The following IFNE variants were observed in gnomAD, a reference collection of about 807,000 sequenced individuals.
IFNE encodes interferon epsilon.
For missense variants in IFNE, 276 were observed against 232.4 expected (o/e 1.19, Z -1.22); for synonymous variants, 94 against 87.4 (o/e 1.08, Z -0.42).
Position 21,481,070 on chromosome 9 carries a change from A to G in IFNE, c.625T>C (p.Ter209GlnextTer14). 1.3e-6 allele frequency: 2 copies of G among 1,599,354 alleles called. No individual in the cohort carries two copies. The highest frequency in any genetic ancestry group is 1.1e-5 in the South Asian group (1 of 88,186). ...ELTTEFRSPR[*>Q] ...GAGAAGTCCTCTAGTCCCTCCACCT[A>G]CCTCGGGCTTCTAAACTCTGTAGTA... The change falls in exon 1 of 1, where the codon TAG becomes CAG. Residue 209 changes from the stop codon to glutamine, a stop_lost. Transcript: ENST00000448696.
Position 21,481,432 on chromosome 9 carries a change from A to G in IFNE, c.263T>C (p.Ile88Thr). The G allele has an allele frequency of 6.2e-7, 1 of 1,614,156 alleles. No homozygotes were observed. The highest frequency in any genetic ancestry group is 8.5e-7 in the Non-Finnish European group (1 of 1,180,020). Residue 88 changes from isoleucine to threonine, a missense_variant, in exon 1 of 1, where the codon ATC becomes ACC. By Grantham distance (89) the Ile-to-Thr change is moderately conservative. Transcript: ENST00000448696. ...LAILHEMLQQ[I>T]FSLFRANISL... ...AATATTTGCCCTGAAGAGGCTGAAG[A>G]TCTGCTGAAGCATCTCATGGAGAAT...
In IFNE at chr9:21,481,775, C is replaced by G. The variant is rs1563902603; in HGVS notation, c.-81G>C. ...TAGTGAATGTTTGCCTTTCATGCAT[C>G]TCAGATTATTTTGGAGAGTGTTCTC... On this transcript the variant is annotated 5_prime_UTR_variant, in exon 1 of 1. Coordinates refer to ENST00000448696, the MANE Select transcript of IFNE (RefSeq NM_176891.5). 7.9e-7 allele frequency: 1 copy of G among 1,265,594 alleles called. No individual in the cohort carries two copies. The highest frequency in any genetic ancestry group is 1.1e-6 in the Non-Finnish European group (1 of 907,078). The allele number at this position is 1,265,594 out of a possible 1,614,324, so 78.4% of individuals were successfully genotyped here.
chr9:21,481,749 C>A lies in IFNE; in HGVS notation c.-55G>T. On this transcript the variant is annotated 5_prime_UTR_variant, in exon 1 of 1. It introduces an in-frame stop codon into an upstream open reading frame of the 5' UTR. Transcript: ENST00000448696. The stretch of plus-strand genomic sequence containing the variant: ...GCATAGACTTAGGGAAATTCCAGCT[C>A]TAGTGAATGTTTGCCTTTCATGCAT... 6 of 1,483,370 alleles carry A rather than the reference C, an allele frequency of 4.0e-6. No homozygotes were observed. Among genetic ancestry groups the A allele is most frequent in the Non-Finnish European group, 5.5e-6 (6 of 1,098,086 alleles). 91.9% of individuals were successfully genotyped at this position (1,483,370 alleles called of 1,614,324 possible).
rs1309655857 is a variant in IFNE at position 21,481,276 on chromosome 9, A to G, written c.419T>C (p.Leu140Pro). The change falls in exon 1 of 1, where the codon CTT becomes CCT. Residue 140 changes from leucine to proline, a missense_variant. Transcript: ENST00000448696. ...GAAGTACATTTTAACTTGTAATCTA[A>G]GGTTATCACTACCCAAAGTACCACT... Reference protein sequence around the residue: ...KLSGTLGSDNLRLQVKMYFRR... With the variant: ...KLSGTLGSDNPRLQVKMYFRR... 1.2e-6 allele frequency: 2 copies of G among 1,613,964 alleles called. No homozygotes were observed. Among genetic ancestry groups the G allele is most frequent in the Admixed American group, 1.7e-5 (1 of 60,006 alleles).
In IFNE at chr9:21,481,060, C is replaced by A; in HGVS notation, c.*8G>T. 1.9e-6 allele frequency: 3 copies of A among 1,589,566 alleles called. No homozygotes were observed. In the South Asian group the frequency reaches 3.5e-5, roughly 19 times the overall value. On this transcript the variant is annotated 3_prime_UTR_variant, in exon 1 of 1. Transcript: ENST00000448696. ...ATCATGTCTGGAGAAGTCCTCTAGTCCCTCCACCTACCTCGGGCTTCTAAA... is the reference window on the plus strand; with the variant it reads ...ATCATGTCTGGAGAAGTCCTCTAGTACCTCCACCTACCTCGGGCTTCTAAA...
Position 21,481,197 on chromosome 9 carries a change from G to C in IFNE, c.498C>G (p.Ala166=). Residue 166 remains alanine (A), a synonymous_variant, in exon 1 of 1, where the codon GCC becomes GCG. Transcript: ENST00000448696. ...ATCGGCTGATTTCTACTTGGACAAT[G>C]GCCCAGGCACAGGTGCTGTAGTCCT... is the stretch of plus-strand genomic sequence containing the variant. The part of the protein sequence containing the change: ...ENQDYSTCAW[A]IVQVEISRCL... 1 of 1,614,158 alleles carries C rather than the reference G, an allele frequency of 6.2e-7. No homozygotes were observed. The highest frequency in any genetic ancestry group is 8.5e-7 in the Non-Finnish European group (1 of 1,180,002).
rs1819056174 is a variant in IFNE, at chr9:21,481,779, G to C, written c.-85C>G. 1 of 1,207,160 alleles carries C rather than the reference G, an allele frequency of 8.3e-7. No homozygotes were observed. Among genetic ancestry groups the C allele is most frequent in the Admixed American group, 2.3e-5 (1 of 44,014 alleles). The allele number at this position is 1,207,160 out of a possible 1,614,324, so 74.8% of individuals were successfully genotyped here. The stretch of plus-strand genomic sequence containing the variant: ...GAATGTTTGCCTTTCATGCATCTCA[G>C]ATTATTTTGGAGAGTGTTCTCTTTT... On this transcript the variant is annotated 5_prime_UTR_variant, in exon 1 of 1. In the 5' UTR this introduces an upstream ATG that the reference lacks. Coordinates refer to ENST00000448696, the MANE Select transcript of IFNE (RefSeq NM_176891.5).
rs1284202371 is a variant in IFNE at position 21,480,971 on chromosome 9, A to G, written c.*97T>C. 1 of 952,738 alleles carries G rather than the reference A, an allele frequency of 1.0e-6. No homozygotes were observed. The highest frequency in any genetic ancestry group is 2.4e-5 in the East Asian group (1 of 40,922). The allele number at this position is 952,738 out of a possible 1,614,324, so 59.0% of individuals were successfully genotyped here. Reference sequence around the variant, plus strand: ...GCACAATCTTAAAACACAGATAAATATATATATACACAAAATCAAAGCAAT... The same window carrying G: ...GCACAATCTTAAAACACAGATAAATGTATATATACACAAAATCAAAGCAAT... On this transcript the variant is annotated 3_prime_UTR_variant, in exon 1 of 1. Transcript: ENST00000448696.
rs545220944 is a variant in IFNE, at chr9:21,481,771, G to A, written c.-77C>T. On this transcript the variant is annotated 5_prime_UTR_variant, in exon 1 of 1. Coordinates refer to ENST00000448696, the MANE Select transcript of IFNE (RefSeq NM_176891.5). The stretch of plus-strand genomic sequence containing the variant: ...GCTCTAGTGAATGTTTGCCTTTCAT[G>A]CATCTCAGATTATTTTGGAGAGTGT... The A allele has an allele frequency of 3.1e-6, 4 of 1,284,536 alleles. No individual in the cohort carries two copies. The highest frequency in any genetic ancestry group is 2.9e-5 in the South Asian group (2 of 69,576). 79.6% of individuals were successfully genotyped at this position (1,284,536 alleles called of 1,614,324 possible). A position where few individuals can be genotyped will look rare whatever the true frequency, so the allele number is the denominator to read the frequency against.
chr9:21,481,918 T>G lies in IFNE; in HGVS notation c.-224A>C. On this transcript the variant is annotated 5_prime_UTR_variant, in exon 1 of 1. Coordinates refer to ENST00000448696, the MANE Select transcript of IFNE (RefSeq NM_176891.5). ...CATTTCCCTATTGTGTTGGCTATTTTGAGGAAGTACCAAAATAACTTATTC... is the reference window on the plus strand; with the variant it reads ...CATTTCCCTATTGTGTTGGCTATTTGGAGGAAGTACCAAAATAACTTATTC... 1 of 507,620 alleles carries G rather than the reference T, an allele frequency of 2.0e-6. No individual in the cohort carries two copies. The highest frequency in any genetic ancestry group is 3.6e-6 in the Non-Finnish European group (1 of 280,764). The allele number at this position is 507,620 out of a possible 1,614,324, so 31.4% of individuals were successfully genotyped here. A position where few individuals can be genotyped will look rare whatever the true frequency, so the allele number is the denominator to read the frequency against.
At position 21,481,002 on chromosome 9, in the gene IFNE, T is replaced by G; in HGVS notation, c.*66A>C. On this transcript the variant is annotated 3_prime_UTR_variant, in exon 1 of 1. Coordinates refer to ENST00000448696, the MANE Select transcript of IFNE (RefSeq NM_176891.5). ...ATACACAAAATCAAAGCAATGTGAT[T>G]GTACTATAAATTGTATTACCACTCT... is the stretch of plus-strand genomic sequence containing the variant. The G allele has an allele frequency of 8.1e-7, 1 of 1,229,570 alleles. No homozygotes were observed. The allele number at this position is 1,229,570 out of a possible 1,614,324, so 76.2% of individuals were successfully genotyped here.
rs764529307 is a variant in IFNE at position 21,481,214 on chromosome 9, T to A, written c.481A>T (p.Ser161Cys). Residue 161 changes from serine to cysteine, a missense_variant, in exon 1 of 1, where the codon AGC (serine) becomes TGC (cysteine). Ser to Cys is a moderately radical substitution (Grantham distance 112, BLOSUM62 -1). Transcript: ENST00000448696. ...IHDYLENQDY[S>C]TCAWAIVQVE... ...TGGACAATGGCCCAGGCACAGGTGC[T>A]GTAGTCCTGGTTTTCCAGGTAATCA... 4 of 1,614,076 alleles carry A rather than the reference T, an allele frequency of 2.5e-6. No homozygotes were observed. In the African/African-American group the frequency reaches 5.3e-5, roughly 22 times the overall value.
chr9:21,482,267 C>A lies in IFNE; in HGVS notation c.-573G>T, dbSNP rs1244352925. Reference sequence around the variant, plus strand: ...TAATTAATTTTAAAACATATATCAGCAATCTTAAATTATTTTATATCTTAT... The same window carrying A: ...TAATTAATTTTAAAACATATATCAGAAATCTTAAATTATTTTATATCTTAT... On this transcript the variant is annotated 5_prime_UTR_variant, in exon 1 of 1. Transcript: ENST00000448696. The A allele has an allele frequency of 6.0e-6, 1 of 166,668 alleles. No homozygotes were observed. Among genetic ancestry groups the A allele is most frequent in the Non-Finnish European group, 1.5e-5 (1 of 68,126 alleles). 10.3% of individuals were successfully genotyped at this position (166,668 alleles called of 1,614,324 possible).
Position 21,481,298 on chromosome 9 carries a change from C to G in IFNE, c.397G>C (p.Gly133Arg). 1.2e-6 allele frequency: 2 copies of G among 1,614,110 alleles called. No homozygotes were observed. Among genetic ancestry groups the G allele is most frequent in the South Asian group, 2.2e-5 (2 of 91,062 alleles). Residue 133 changes from glycine to arginine, a missense_variant, in exon 1 of 1, where the codon GGT (glycine) becomes CGT (arginine). By Grantham distance (125) the Gly-to-Arg change is moderately radical. Transcript: ENST00000448696. Reference protein sequence around the residue: ...LMGLEAEKLSGTLGSDNLRLQ... With the variant: ...LMGLEAEKLSRTLGSDNLRLQ... The stretch of plus-strand genomic sequence containing the variant: ...CTAAGGTTATCACTACCCAAAGTAC[C>G]ACTTAGCTTCTCTGCTTCCAGTCCC...
rs749049007 is a variant in IFNE, at chr9:21,481,186, A to G, written c.509T>C (p.Val170Ala). ...AAAGAACAGACATCGGCTGATTTCT[A>G]CTTGGACAATGGCCCAGGCACAGGT... ...YSTCAWAIVQVEISRCLFFVF... is the reference protein window; with the variant it reads ...YSTCAWAIVQAEISRCLFFVF... Residue 170 changes from valine (V) to alanine (A), a missense_variant, in exon 1 of 1, where the codon GTA becomes GCA. Physicochemically the swap from Val to Ala is moderately conservative, Grantham distance 64. Coordinates refer to ENST00000448696, the MANE Select transcript of IFNE (RefSeq NM_176891.5). 10 of 1,614,038 alleles carry G rather than the reference A, an allele frequency of 6.2e-6. No homozygotes were observed. The African/African-American group carries it at 9.3e-5, about 15-fold the overall frequency.
chr9:21,481,113 G>T lies in IFNE; in HGVS notation c.582C>A (p.Asn194Lys), dbSNP rs140361697. 6.2e-7 allele frequency: 1 copy of T among 1,613,828 alleles called. No homozygotes were observed. Among genetic ancestry groups the T allele is most frequent in the South Asian group, 1.1e-5 (1 of 91,026 alleles). Residue 194 changes from asparagine (N) to lysine (K), a missense_variant, in exon 1 of 1, where the codon AAC becomes AAA. Physicochemically the swap from Asn to Lys is moderately conservative, Grantham distance 94. Transcript: ENST00000448696. ...EKLSKQGRPLNDMKQELTTEF... is the reference protein window; with the variant it reads ...EKLSKQGRPLKDMKQELTTEF... ...CTGTAGTAAGCTCTTGCTTCATGTC[G>T]TTCAAGGGTCTTCCTTGTTTGCTCA...
chr9:21,481,963 G>A lies in IFNE; in HGVS notation c.-269C>T. ...TTATTCATTGTATGCTTTCCTTGAG[G>A]CAATTACAGACTAGTCATCCAACAT... On this transcript the variant is annotated 5_prime_UTR_variant, in exon 1 of 1. Transcript: ENST00000448696. 2.7e-6 allele frequency: 1 copy of A among 376,960 alleles called. No individual in the cohort carries two copies. The highest frequency in any genetic ancestry group is 5.2e-5 in the East Asian group (1 of 19,416). The allele number at this position is 376,960 out of a possible 1,614,324, so 23.4% of individuals were successfully genotyped here.
At position 21,481,291 on chromosome 9, in the gene IFNE, A is replaced by G. The variant is rs201777017; in HGVS notation, c.404T>C (p.Leu135Ser). The change falls in exon 1 of 1, where the codon TTG (leucine) becomes TCG (serine). Residue 135 changes from leucine to serine, a missense_variant. Leu to Ser is a moderately radical substitution (Grantham distance 145, BLOSUM62 -2). Transcript: ENST00000448696. ...TTGTAATCTAAGGTTATCACTACCCAAAGTACCACTTAGCTTCTCTGCTTC... is the reference window on the plus strand; with the variant it reads ...TTGTAATCTAAGGTTATCACTACCCGAAGTACCACTTAGCTTCTCTGCTTC... The part of the protein sequence containing the change: ...GLEAEKLSGT[L>S]GSDNLRLQVK... 2.7e-5 allele frequency: 43 copies of G among 1,614,026 alleles called. 1 individual carries two copies. The highest frequency in any genetic ancestry group is 1.8e-4 in the Admixed American group (11 of 60,006).
Position 21,481,383 on chromosome 9 carries a change from G to A in IFNE, c.312C>T (p.Asn104=), listed in dbSNP as rs370937483. The A allele has an allele frequency of 1.1e-4, 176 of 1,613,974 alleles. No homozygotes were observed. The highest frequency in any genetic ancestry group is 1.5e-4 in the Non-Finnish European group (174 of 1,179,972). ...ANISLDGWEE[N]HTEKFLIQLH... is the part of the protein sequence containing the mutation. ...GTTGAATGAGGAATTTCTCCGTGTG[G>A]TTTTCCTCCCAACCATCCAGAGAAA... Residue 104 remains asparagine (N), a synonymous_variant, in exon 1 of 1, where the codon AAC becomes AAT. Coordinates refer to ENST00000448696, the MANE Select transcript of IFNE (RefSeq NM_176891.5).
Sources: gnomAD v4.1 joint callset for allele counts on GRCh38, gnomAD v4.1.1 for gene constraint, MANE v1.5 for transcripts, NCBI Gene and HGNC (gene_info 2026-07-23, HGNC 2026-07-21) for gene names.